SRBD1: variants seen among roughly 807,000 people sequenced by gnomAD.
The protein encoded by SRBD1 is S1 RNA binding domain 1.
SRBD1 carries 88 observed loss-of-function variants against 115.3 expected under a neutral mutation model. The observed-to-expected ratio is 0.76, with a 90% CI of 0.64 to 0.91. The LOEUF (loss-of-function observed/expected upper bound fraction) is 0.91, where lower values mean the gene tolerates loss of function less well. SRBD1 is among the 40% of genes least tolerant of loss of function. The pLI, the probability that SRBD1 is intolerant of heterozygous loss-of-function variation, is 0.00. For synonymous variants in SRBD1, 509 were observed against 407.7 expected (o/e 1.25, Z -2.99); for missense variants, 1,385 against 1,177.4 (o/e 1.18, Z -2.58).
intron 10 of SRBD1, among the ~76,000 whole-genome samples, chr2:45,556,545 C>G (rs1168599509): frequency 2.1e-5 from 3 of 140,088 alleles, no homozygotes; most frequent in Non-Finnish European, 4.6e-5. Context: ...TCATTGCAAC[C>G]TCCACCTCCC....
chr2:45,429,082 C>A (rs1311370221), intron 16 of SRBD1, among the ~76,000 whole-genome samples: 1 of 151,934 alleles, frequency 6.6e-6, no homozygotes, highest in Non-Finnish European at 1.5e-5. Context: ...ATATACCCAC[C>A]CAAGACTACA....
chr2:45,464,805 T>C (rs1413745449), intron 16 of SRBD1, among the ~76,000 whole-genome samples: 1 of 152,064 alleles, frequency 6.6e-6, no homozygotes, highest in East Asian at 1.9e-4. Flanking sequence ...AGTCTGAACA[T>C]TAAAGCTCTA....
intron 14 of SRBD1, among the ~76,000 whole-genome samples, chr2:45,524,088 T>C (rs1671368075): frequency 6.6e-6 from 1 of 151,970 alleles, no homozygotes; most frequent in African/African-American, 2.4e-5. Flanking sequence ...AAAAGGAGTT[T>C]GACAGAAGGG....
At chr2:45,549,566 G>C (rs1255936054) in intron 12 of SRBD1, among the ~76,000 whole-genome samples, 3 of 151,756 alleles carry the variant, frequency 2.0e-5, no homozygotes, top group Non-Finnish European at 2.9e-5. Context: ...CAGAAAATAA[G>C]AGTAACGTTA....
At chr2:45,499,342 G>A (rs1247119940) in intron 14 of SRBD1, among the ~76,000 whole-genome samples, 1 of 152,024 alleles carries the variant, frequency 6.6e-6, no homozygotes, top group Non-Finnish European at 1.5e-5. Flanking sequence ...CTTAATCACA[G>A]TATTTGTGGG....
At position 45,546,808 on chromosome 2, in the gene SRBD1, CAG is replaced by C. The variant is rs1366706326; in HGVS notation, c.1796_1797del (p.Thr599SerfsTer11). 2 of 1,614,000 alleles carry C rather than the reference CAG, an allele frequency of 1.2e-6. No homozygotes were observed. Among genetic ancestry groups the C allele is most frequent in the African/African-American group, 1.3e-5 (1 of 74,934 alleles). On this transcript the variant is annotated frameshift_variant, in exon 14 of 21. Transcript: ENST00000263736. LOFTEE classifies it high-confidence loss of function. ...NCSTVVIGNG[T>X]ACRETEAYFA... ...AAGTAAGCTTCTGTTTCCCTGCAGG[CAG>C]TTCCATTTCCAATCACTACTGTGCT... is the stretch of plus-strand genomic sequence containing the variant.
intron 15 of SRBD1, among the ~76,000 whole-genome samples, chr2:45,480,033 T>A (rs960332573): frequency 1.3e-5 from 2 of 152,192 alleles, no homozygotes; most frequent in African/African-American, 4.8e-5. Flanking sequence ...CATATGTTTA[T>A]AGCATGGTTT....
intron 14 of SRBD1, among the ~76,000 whole-genome samples, chr2:45,499,396 G>C (rs1440535010): frequency 6.6e-6 from 1 of 152,068 alleles, no homozygotes; most frequent in Non-Finnish European, 1.5e-5. Context: ...ATATGTTCTA[G>C]TTATTAATCC....
At chr2:45,432,218 G>A (rs1572634389) in intron 16 of SRBD1, among the ~76,000 whole-genome samples, 1 of 151,968 alleles carries the variant, frequency 6.6e-6, no homozygotes, top group African/African-American at 2.4e-5. Context: ...TAGTACAGAC[G>A]TGGTTTCTCC....
chr2:45,389,303 G>T lies in SRBD1; in HGVS notation c.*7C>A. On this transcript the variant is annotated 3_prime_UTR_variant, in exon 21 of 21. Transcript: ENST00000263736. ...AATAAAATCAGCGTCTGGCCTTCGT[G>T]GGATACTCATAACACCCGAATGAGG... is the stretch of plus-strand genomic sequence containing the variant. The T allele has an allele frequency of 6.8e-6, 11 of 1,609,120 alleles. No homozygotes were observed. Among genetic ancestry groups the T allele is most frequent in the Non-Finnish European group, 9.3e-6 (11 of 1,176,578 alleles).
At position 45,490,663 on chromosome 2, in the gene SRBD1, T is replaced by C. The variant is rs560500059; in HGVS notation, c.1875-2332A>G. Among the ~76,000 whole-genome samples, 3 of 152,284 alleles carry C rather than the reference T, an allele frequency of 2.0e-5. No individual in the cohort carries two copies. In the South Asian group the frequency reaches 6.2e-4, roughly 32 times the overall value. ...TTAAATGGTAAATAAAAATTCCAAT[T>C]AACTGTGGTTGTTAGCAACTGGGTA... On this transcript the variant is annotated intron_variant, in intron 14 of 20. Coordinates refer to ENST00000263736, the MANE Select transcript of SRBD1 (RefSeq NM_018079.5).
Position 45,483,014 on chromosome 2 carries a change from G to A in SRBD1, c.1966+5226C>T, listed in dbSNP as rs553148465. Among the ~76,000 whole-genome samples, 18 of 152,006 alleles carry A rather than the reference G, an allele frequency of 1.2e-4. 1 individual carries two copies. In the South Asian group the frequency reaches 3.5e-3, roughly 30 times the overall value. ...TTTCAATCCACTGTTGAATCCGTGG[G>A]CACGTGCACAGGGTCAACTGTATTT... is the stretch of plus-strand genomic sequence containing the variant. On this transcript the variant is annotated intron_variant, in intron 15 of 20. Transcript: ENST00000263736.
chr2:45,419,365 T>C, intron 17 of SRBD1, among the ~76,000 whole-genome samples: 1 of 152,190 alleles, frequency 6.6e-6, no homozygotes, highest in East Asian at 1.9e-4. Context: ...AGGTTTCTTG[T>C]GGAATCAGGG....
At chr2:45,430,907 C>T (rs1668312699) in intron 16 of SRBD1, among the ~76,000 whole-genome samples, 2 of 152,090 alleles carry the variant, frequency 1.3e-5, no homozygotes, top group East Asian at 3.9e-4. Flanking sequence ...TGACAAAGGG[C>T]TAATATCCAG....
At chr2:45,417,180 G>C (rs1301167355) in intron 18 of SRBD1, among the ~76,000 whole-genome samples, 9 of 152,086 alleles carry the variant, frequency 5.9e-5, no homozygotes, top group Non-Finnish European at 8.8e-5. Flanking sequence ...TGCTCTGCAA[G>C]ATTTCCCCAT....
chr2:45,568,026 G>A (rs987038467), intron 9 of SRBD1: 1 of 152,204 alleles, frequency 6.6e-6, no homozygotes, highest in Non-Finnish European at 1.5e-5. Context: ...GAAATTGAAA[G>A]TGAGTAGTGG....
At chr2:45,409,933 AT>A (rs577243495) in intron 19 of SRBD1, among the ~76,000 whole-genome samples, 8 of 152,060 alleles carry the variant, frequency 5.3e-5, no homozygotes, top group Admixed American at 1.3e-4. Flanking sequence ...GCAATATGAC[AT>A]TTTTTTTGTC....
intron 4 of SRBD1, among the ~76,000 whole-genome samples, chr2:45,597,922 C>T (rs949557510): frequency 3.3e-5 from 5 of 152,198 alleles, no homozygotes; most frequent in African/African-American, 1.2e-4. Context: ...AGACCAGAGA[C>T]TTCACAGTCT....
intron 14 of SRBD1, among the ~76,000 whole-genome samples, chr2:45,542,421 C>A (rs551867500): frequency 6.6e-6 from 1 of 152,192 alleles, no homozygotes; most frequent in Non-Finnish European, 1.5e-5. Context: ...GCTGCAACTG[C>A]GCCCAGGAGC....
Sources: allele counts gnomAD v4.1 joint callset (sites outside exome capture counted in the v4.1 genomes callset), GRCh38; gene constraint gnomAD v4.1.1; transcripts MANE v1.5; gene names NCBI Gene and HGNC (gene_info 2026-07-23, HGNC 2026-07-21).